CAMSAP2: variants seen among roughly 807,000 people sequenced by gnomAD.
The protein encoded by CAMSAP2 is calmodulin-regulated spectrin-associated protein 2.
In CAMSAP2, 26 loss-of-function variants were observed where a neutral mutation model predicts 146.1. The ratio of observed to expected loss-of-function variants is 0.18; its 90% CI spans 0.13 to 0.25. CAMSAP2 has a LOEUF of 0.25. Among genes scored for constraint, CAMSAP2 ranks in the 10% least tolerant of loss-of-function variants. The pLI is 1.00. For synonymous variants in CAMSAP2, 499 were observed against 596.6 expected, an observed-to-expected ratio of 0.84 and a Z score of 2.38; for missense variants, 1,381 against 1,759.3, an observed-to-expected ratio of 0.78 and a Z score of 3.85.
intron 7 of CAMSAP2, among the ~76,000 whole-genome samples, chr1:200,843,833 ATTTTTGTTTTT>A (rs1328455253): frequency 2.0e-5 from 3 of 147,304 alleles, no homozygotes; most frequent in Non-Finnish European, 4.5e-5. Context: ...GCTCAAACTT[ATTTTTGTTTTT>A]TTTTTGTTTG....
intron 2 of CAMSAP2, among the ~76,000 whole-genome samples, chr1:200,767,164 C>G (rs59936764): frequency 2.8e-3 from 425 of 152,152 alleles, no homozygotes; most frequent in African/African-American, 9.4e-3. Context: ...AACCCCATCT[C>G]TACTAAAAAT....
chr1:200,839,754 A>G (rs1236272337), intron 6 of CAMSAP2, among the ~76,000 whole-genome samples: 2 of 152,186 alleles, frequency 1.3e-5, no homozygotes, highest in African/African-American at 4.8e-5. Context: ...TACAGTGTAC[A>G]CTGCTTGGGT....
intron 1 of CAMSAP2, among the ~76,000 whole-genome samples, chr1:200,754,807 C>T (rs533336170): frequency 6.6e-6 from 1 of 152,286 alleles, no homozygotes; most frequent in East Asian, 1.9e-4. Context: ...CGGTCTCTAT[C>T]TCCTGACCTT....
Position 200,848,659 on chromosome 1 carries a change from A to G in CAMSAP2, c.1890A>G (p.Arg630=), listed in dbSNP as rs755217982. ...PETMDEDSSL[R]DYTVSLDSDM... is the part of the protein sequence containing the mutation. ...CTATGGACGAAGATTCTTCGTTGAG[A>G]GATTATACTGTAAGCTTGGACTCTG... is the stretch of plus-strand genomic sequence containing the variant. The change falls in exon 11 of 17, where the codon AGA becomes AGG. Residue 630 remains arginine, a synonymous_variant. Transcript: ENST00000358823. The G allele has an allele frequency of 6.2e-7, 1 of 1,614,134 alleles. No individual in the cohort carries two copies. The highest frequency in any genetic ancestry group is 1.1e-5 in the South Asian group (1 of 91,078).
At chr1:200,827,745 A>G (rs979701589) in intron 4 of CAMSAP2, among the ~76,000 whole-genome samples, 9 of 152,094 alleles carry the variant, frequency 5.9e-5, no homozygotes, top group Admixed American at 2.0e-4. Flanking sequence ...TTAATTTTGG[A>G]TATGAATTTT....
intron 4 of CAMSAP2, among the ~76,000 whole-genome samples, chr1:200,827,602 G>T (rs1359135061): frequency 1.3e-5 from 2 of 152,074 alleles, no homozygotes; most frequent in Non-Finnish European, 2.9e-5. Context: ...TTGTTTATAT[G>T]TAGGAAGCTG....
intron 14 of CAMSAP2, 51 bp from the exon 15 acceptor site, chr1:200,855,959 C>A (rs758627679): frequency 1.7e-5 from 21 of 1,226,282 alleles, no homozygotes; most frequent in Non-Finnish European, 2.4e-5. Flanking sequence ...ACCCTCTGGG[C>A]CCCATTTTTT....
chr1:200,787,535 G>A (rs909583509), intron 2 of CAMSAP2, among the ~76,000 whole-genome samples: 1 of 152,210 alleles, frequency 6.6e-6, no homozygotes, highest in Non-Finnish European at 1.5e-5. Flanking sequence ...GCTTCTTACA[G>A]ATGAGCAAAG....
intron 2 of CAMSAP2, among the ~76,000 whole-genome samples, chr1:200,775,550 G>A (rs1005754771): frequency 1.3e-5 from 2 of 151,658 alleles, no homozygotes; most frequent in African/African-American, 4.9e-5. Context: ...TGTTTTTTGA[G>A]ATGGAGTCTC....
chr1:200,804,219 C>T (rs1221162934), intron 2 of CAMSAP2, among the ~76,000 whole-genome samples: 3 of 152,084 alleles, frequency 2.0e-5, no homozygotes, highest in Non-Finnish European at 4.4e-5. Context: ...AGCCACCGCG[C>T]CTGGCCAGAT....
intron 2 of CAMSAP2, among the ~76,000 whole-genome samples, chr1:200,766,820 G>A (rs1664966770): frequency 6.6e-6 from 1 of 152,160 alleles, no homozygotes. Flanking sequence ...AACTCTGCCT[G>A]GTGGTTTGTT....
chr1:200,833,019 C>CCACT (rs1187058432), intron 6 of CAMSAP2, among the ~76,000 whole-genome samples, 174 bp downstream of exon 6: 4 of 151,676 alleles, frequency 2.6e-5, no homozygotes, highest in Non-Finnish European at 4.4e-5. Flanking sequence ...GATGATCGTG[C>CCACT]CACTGCACTC....
intron 1 of CAMSAP2, among the ~76,000 whole-genome samples, chr1:200,742,309 G>A (rs1481501219): frequency 6.6e-6 from 1 of 152,144 alleles, no homozygotes; most frequent in East Asian, 1.9e-4. Context: ...TTCATTTTCA[G>A]ATAGATGATA....
At chr1:200,824,680 T>A (rs1666858765) in intron 4 of CAMSAP2, among the ~76,000 whole-genome samples, 1 of 152,104 alleles carries the variant, frequency 6.6e-6, no homozygotes, top group African/African-American at 2.4e-5. Context: ...CATACCAATA[T>A]GAAAAATAAA....
chr1:200,744,956 T>A (rs778068830), intron 1 of CAMSAP2, among the ~76,000 whole-genome samples: 1 of 152,004 alleles, frequency 6.6e-6, no homozygotes, highest in Non-Finnish European at 1.5e-5. Context: ...ATTTAGTAGT[T>A]AAATTATCCT....
At chr1:200,816,702 ATGTGTATATATACACACGCACATATATG>A (rs1201492066) in intron 4 of CAMSAP2, among the ~76,000 whole-genome samples, 1 of 127,052 alleles carries the variant, frequency 7.9e-6, no homozygotes, top group African/African-American at 2.8e-5. Context: ...GCACACATAT[ATGTGTATATATACACACGCACATATATG>A]TGTGTACACA....
intron 2 of CAMSAP2, among the ~76,000 whole-genome samples, chr1:200,791,253 T>C (rs1311021084): frequency 6.6e-6 from 1 of 152,256 alleles, no homozygotes; most frequent in Non-Finnish European, 1.5e-5. Flanking sequence ...AGATTTCCTC[T>C]GTATGTAATG....
chr1:200,807,025 G>A (rs1253410980), intron 2 of CAMSAP2, among the ~76,000 whole-genome samples: 1 of 152,056 alleles, frequency 6.6e-6, no homozygotes, highest in African/African-American at 2.4e-5. Flanking sequence ...GTACTATGTG[G>A]GTGAGAAGAA....
chr1:200,818,991 C>T (rs1666678737), intron 4 of CAMSAP2, among the ~76,000 whole-genome samples: 1 of 152,150 alleles, frequency 6.6e-6, no homozygotes, highest in African/African-American at 2.4e-5. Flanking sequence ...TGTCCTTGCC[C>T]AACTACTCTT....
Sources: allele counts gnomAD v4.1 joint callset (sites outside exome capture counted in the v4.1 genomes callset), GRCh38; gene constraint gnomAD v4.1.1; transcripts MANE v1.5; gene names NCBI Gene and HGNC (gene_info 2026-07-23, HGNC 2026-07-21).